The following DMBT1 variants were observed in gnomAD, a reference collection of about 807,000 sequenced individuals.
The protein encoded by DMBT1 is scavenger receptor cysteine-rich domain-containing protein DMBT1.
In DMBT1, 198 loss-of-function variants were observed where a neutral mutation model predicts 252.9. The ratio of observed to expected loss-of-function variants is 0.78; its 90% CI spans 0.70 to 0.88. The LOEUF is 0.88. DMBT1 is among the 40% of genes least tolerant of loss of function. The pLI is 0.00. For missense variants in DMBT1, 2,432 were observed against 2,404.7 expected (o/e 1.01, Z -0.24); for synonymous variants, 990 against 942.7 (o/e 1.05, Z -0.92).
chr10:122,588,304 C>T (rs1591322414), intron 16 of DMBT1, among the ~76,000 whole-genome samples: 2 of 147,726 alleles, frequency 1.4e-5, no homozygotes, highest in East Asian at 4.2e-4. Flanking sequence ...AAGTTGGAGT[C>T]TCTGGGGAGC....
In DMBT1 at chr10:122,598,029, C is replaced by A; in HGVS notation, c.2956+17C>A. On this transcript the variant is annotated intron_variant, in intron 25 of 55. Transcript: ENST00000338354. ...CGACAGTAGGTAAATATTCCTCTCG[C>A]CCCTCCCTAGGGCTCACTCTCTACC... is the stretch of plus-strand genomic sequence containing the variant. The A allele has an allele frequency of 6.2e-7, 1 of 1,613,906 alleles. No individual in the cohort carries two copies. Among genetic ancestry groups the A allele is most frequent in the Non-Finnish European group, 8.5e-7 (1 of 1,179,828 alleles).
chr10:122,629,434 G>A (rs956205446), intron 46 of DMBT1, among the ~76,000 whole-genome samples: 2 of 152,332 alleles, frequency 1.3e-5, no homozygotes, highest in South Asian at 2.1e-4. Context: ...CATGGAAGAC[G>A]CTAGGGAACA....
At chr10:122,580,034 C>T in intron 10 of DMBT1, 133 bp downstream of exon 10, 1 of 1,496,750 alleles carries the variant, frequency 6.7e-7, no homozygotes, top group Non-Finnish European at 8.9e-7. Context: ...CAGCTCTCTG[C>T]TAAGAATCCA....
rs141558074 is a variant in DMBT1 at position 122,577,022 on chromosome 10, G to A, written c.607+300G>A. Among the ~76,000 whole-genome samples, 9 of 152,298 alleles carry A rather than the reference G, an allele frequency of 5.9e-5. No homozygotes were observed. The East Asian group carries it at 7.7e-4, about 13-fold the overall frequency. ...AGTTGGCCTGTGGGTACAATGCCAC[G>A]GTCAGCACAAATCCCCAAGCTGCGA... On this transcript the variant is annotated intron_variant, in intron 7 of 55. Coordinates refer to ENST00000338354, the MANE Select transcript of DMBT1 (RefSeq NM_001377530.1).
At chr10:122,620,425 A>C (rs1435488654) in intron 43 of DMBT1, 134 bp downstream of exon 43, 5 of 1,034,532 alleles carry the variant, frequency 4.8e-6, no homozygotes, top group Non-Finnish European at 7.2e-6. Context: ...GGGGAGGTAG[A>C]CTCCCTGGGA....
chr10:122,625,855 C>A, intron 45 of DMBT1, 78 bp from the exon 46 acceptor site: 1 of 1,221,776 alleles, frequency 8.2e-7, no homozygotes, highest in Non-Finnish European at 1.2e-6. Context: ...AAGGATTTAA[C>A]TTTGTCAGTC....
intron 41 of DMBT1, 134 bp downstream of exon 41, chr10:122,618,474 T>C: frequency 6.7e-7 from 1 of 1,494,292 alleles, no homozygotes; most frequent in Admixed American, 2.3e-5. Flanking sequence ...GTTAGCTCTC[T>C]GCTAAGAATC....
chr10:122,585,356 G>A (rs753761270), intron 15 of DMBT1, 47 bp downstream of exon 15: 7 of 1,563,136 alleles, frequency 4.5e-6, no homozygotes, highest in Non-Finnish European at 6.1e-6. Flanking sequence ...TCTACCTCTG[G>A]ACAAATGTTT....
At chr10:122,624,220 G>A (rs1555016279) in intron 44 of DMBT1, among the ~76,000 whole-genome samples, 1 of 152,174 alleles carries the variant, frequency 6.6e-6, no homozygotes, top group Non-Finnish European at 1.5e-5. Flanking sequence ...CCATGCTGAT[G>A]GCTCCTGCAC....
At chr10:122,581,464 T>G (rs2097767996) in intron 11 of DMBT1, among the ~76,000 whole-genome samples, 1 of 149,734 alleles carries the variant, frequency 6.7e-6, no homozygotes, top group African/African-American at 2.5e-5. Flanking sequence ...ACATTTTACC[T>G]GGCAGTGTCC....
intron 52 of DMBT1, among the ~76,000 whole-genome samples, chr10:122,633,970 T>C (rs960985029): frequency 6.6e-6 from 1 of 152,004 alleles, no homozygotes; most frequent in Non-Finnish European, 1.5e-5. Flanking sequence ...CCCCCATCTC[T>C]ACAAAAAAGT....
At chr10:122,626,902 G>T (rs569415128) in intron 46 of DMBT1, among the ~76,000 whole-genome samples, 1 of 152,172 alleles carries the variant, frequency 6.6e-6, no homozygotes, top group South Asian at 2.1e-4. Context: ...ATTTGCTGAA[G>T]TGTCTTCTAA....
At chr10:122,590,517 T>C (rs1734638128) in intron 17 of DMBT1, 148 bp from the exon 18 acceptor site, 7 of 1,014,282 alleles carry the variant, frequency 6.9e-6, no homozygotes, top group African/African-American at 3.0e-5. Flanking sequence ...AGGAGCATCT[T>C]TGTGGGGACG....
Position 122,633,166 on chromosome 10 carries a change from ACATTCC to A in DMBT1, c.6398-22_6398-17del. ...GTGCAGTGTGCTCTGGGGGTCACCG[ACATTCC>A]CACTTTTTGTCCTGACAGCAGATTA... is the stretch of plus-strand genomic sequence containing the variant. On this transcript the variant is annotated intron_variant, in intron 51 of 55. Coordinates refer to ENST00000338354, the MANE Select transcript of DMBT1 (RefSeq NM_001377530.1). 2 of 1,612,956 alleles carry A rather than the reference ACATTCC, an allele frequency of 1.2e-6. No individual in the cohort carries two copies. The highest frequency in any genetic ancestry group is 1.7e-6 in the Non-Finnish European group (2 of 1,179,302).
chr10:122,630,817 G>C (rs1176163940), intron 48 of DMBT1, 144 bp from the exon 49 acceptor site: 3 of 901,834 alleles, frequency 3.3e-6, no homozygotes, highest in Non-Finnish European at 5.0e-6. Context: ...GAGCGGTCCA[G>C]TACCTCCACC....
intron 53 of DMBT1, among the ~76,000 whole-genome samples, chr10:122,636,666 C>T (rs2098229771): frequency 6.6e-6 from 1 of 152,190 alleles, no homozygotes; most frequent in South Asian, 2.1e-4. Context: ...CCTGTATGGC[C>T]ATGATTTGAG....
At chr10:122,579,451 T>A in intron 9 of DMBT1, 127 bp from the exon 10 acceptor site, 3 of 1,552,906 alleles carry the variant, frequency 1.9e-6, no homozygotes, top group Middle Eastern at 2.4e-4. Context: ...TAGTCTGTGG[T>A]CATATGCAAA....
At chr10:122,621,416 G>C in intron 44 of DMBT1, 36 bp downstream of exon 44, 1 of 1,613,356 alleles carries the variant, frequency 6.2e-7, no homozygotes, top group Middle Eastern at 1.7e-4. Context: ...CTCTCTTGGG[G>C]TGGAGTTTGC....
chr10:122,634,352 C>CTT (rs1184996032), intron 52 of DMBT1, among the ~76,000 whole-genome samples: 1 of 90,632 alleles, frequency 1.1e-5, no homozygotes, highest in Admixed American at 1.1e-4. Context: ...TTCTTTCTTT[C>CTT]TTTCTTTCTT....
Sources: allele counts gnomAD v4.1 joint callset (sites outside exome capture counted in the v4.1 genomes callset), GRCh38; gene constraint gnomAD v4.1.1; transcripts MANE v1.5; gene names NCBI Gene and HGNC (gene_info 2026-07-23, HGNC 2026-07-21).